Variants in PAPSS1 observed in about 807,000 individuals in gnomAD.
The protein encoded by PAPSS1 is 3'-phosphoadenosine 5'-phosphosulfate synthase 1, also known as bifunctional 3'-phosphoadenosine 5'-phosphosulfate synthase 1.
A neutral mutation model predicts 72.0 loss-of-function variants in PAPSS1; 50 were observed. The observed-to-expected ratio is 0.69, with a 90% confidence interval of 0.55 to 0.88. PAPSS1 has a LOEUF of 0.88. Among genes scored for constraint, PAPSS1 ranks in the 40% least tolerant of loss-of-function variants. PAPSS1 has a pLI of 0.00. For missense variants in PAPSS1, 657 were observed against 782.2 expected, an observed-to-expected ratio of 0.84 and a Z score of 1.91; for synonymous variants, 261 against 263.6, an observed-to-expected ratio of 0.99 and a Z score of 0.09.
intron 5 of PAPSS1, among the ~76,000 whole-genome samples, chr4:107,665,235 A>C (rs1727285260): frequency 6.6e-6 from 1 of 152,212 alleles, no homozygotes; most frequent in African/African-American, 2.4e-5. Context: ...AAAGAATCTT[A>C]AACATGCAGA....
At chr4:107,716,121 A>C (rs1309381567) in intron 1 of PAPSS1, among the ~76,000 whole-genome samples, 1 of 152,242 alleles carries the variant, frequency 6.6e-6, no homozygotes, top group Non-Finnish European at 1.5e-5. Context: ...CAATTCTGTT[A>C]TATCAGGAAA....
chr4:107,666,199 TA>T (rs906391782), intron 5 of PAPSS1, among the ~76,000 whole-genome samples: 2 of 152,206 alleles, frequency 1.3e-5, no homozygotes, highest in African/African-American at 4.8e-5. Flanking sequence ...GACAAACCTT[TA>T]AATAATTTAT....
chr4:107,621,864 G>A (rs570915071), intron 11 of PAPSS1, among the ~76,000 whole-genome samples: 126 of 151,520 alleles, frequency 8.3e-4, no homozygotes, highest in African/African-American at 2.9e-3. Flanking sequence ...TCCTGACCTC[G>A]TAATCCACCC....
At chr4:107,618,261 T>C (rs1259660378) in intron 11 of PAPSS1, among the ~76,000 whole-genome samples, 1 of 152,040 alleles carries the variant, frequency 6.6e-6, no homozygotes, top group African/African-American at 2.4e-5. Flanking sequence ...AACAAAACAC[T>C]GAGTTGACAA....
chr4:107,720,190 C>A lies in PAPSS1; in HGVS notation c.-11G>T, dbSNP rs1297812757. On this transcript the variant is annotated 5_prime_UTR_variant, in exon 1 of 12. Coordinates refer to ENST00000265174, the MANE Select transcript of PAPSS1 (RefSeq NM_005443.5). ...CCCGGGGATCTCCATGACCGCGGAGCGCGCTGAGCAGCCGGGGTTCTCTGC... is the reference window on the plus strand; with the variant it reads ...CCCGGGGATCTCCATGACCGCGGAGAGCGCTGAGCAGCCGGGGTTCTCTGC... 2 of 1,599,280 alleles carry A rather than the reference C, an allele frequency of 1.3e-6. No individual in the cohort carries two copies. The highest frequency in any genetic ancestry group is 2.3e-5 in the East Asian group (1 of 43,128).
At chr4:107,688,817 C>T (rs965039081) in intron 3 of PAPSS1, among the ~76,000 whole-genome samples, 7 of 152,142 alleles carry the variant, frequency 4.6e-5, no homozygotes, top group African/African-American at 1.4e-4. Flanking sequence ...CAAATTCTTC[C>T]TATGTCCACC....
At chr4:107,667,144 T>A (rs1461869909) in intron 5 of PAPSS1, among the ~76,000 whole-genome samples, 2 of 152,140 alleles carry the variant, frequency 1.3e-5, no homozygotes, top group Non-Finnish European at 2.9e-5. Context: ...AATGATTTAA[T>A]CAAATGTGCG....
At chr4:107,705,566 A>G (rs1444758304) in intron 1 of PAPSS1, among the ~76,000 whole-genome samples, 3 of 152,210 alleles carry the variant, frequency 2.0e-5, no homozygotes, top group African/African-American at 7.2e-5. Context: ...AGTTCTTTAT[A>G]CCAGTGTGAA....
At chr4:107,619,093 A>T (rs1725894176) in intron 11 of PAPSS1, among the ~76,000 whole-genome samples, 1 of 152,216 alleles carries the variant, frequency 6.6e-6, no homozygotes. Context: ...CTTGCTTTAT[A>T]AAGTGCTTGT....
At chr4:107,653,343 C>T (rs1726907107) in intron 9 of PAPSS1, 148 bp downstream of exon 9, 1 of 545,116 alleles carries the variant, frequency 1.8e-6, no homozygotes, top group African/African-American at 2.0e-5. Flanking sequence ...ACTACCCAGG[C>T]TAGTTTTGAT....
chr4:107,708,487 T>C (rs1225368536), intron 1 of PAPSS1, among the ~76,000 whole-genome samples: 1 of 152,226 alleles, frequency 6.6e-6, no homozygotes, highest in East Asian at 1.9e-4. Flanking sequence ...ACTTCACTCT[T>C]TATAGACAAG....
chr4:107,701,729 A>C (rs1028334239), intron 1 of PAPSS1, among the ~76,000 whole-genome samples: 12 of 152,216 alleles, frequency 7.9e-5, no homozygotes, highest in African/African-American at 2.7e-4. Context: ...GGAACAATGT[A>C]AACCAATAAA....
In PAPSS1 at chr4:107,616,054, C is replaced by A. The variant is rs1725812309; in HGVS notation, c.1737-1667G>T. The stretch of plus-strand genomic sequence containing the variant: ...TTTTTTATAGCAGCCTGAACTCAGA[C>A]AAATATCACTGCTATTTTTAGAAAA... On this transcript the variant is annotated intron_variant, in intron 11 of 11. Transcript: ENST00000265174. 2.0e-5 allele frequency among the ~76,000 whole-genome samples: 3 copies of A among 150,416 alleles called. No individual in the cohort carries two copies. The South Asian group carries it at 6.3e-4, about 32-fold the overall frequency.
intron 5 of PAPSS1, among the ~76,000 whole-genome samples, chr4:107,680,144 T>C (rs1307622823): frequency 6.6e-6 from 1 of 151,922 alleles, no homozygotes; most frequent in Non-Finnish European, 1.5e-5. Flanking sequence ...AAAAGAAATA[T>C]TTCACATGAT....
intron 6 of PAPSS1, among the ~76,000 whole-genome samples, chr4:107,659,360 G>C (rs1473861796): frequency 6.6e-6 from 1 of 152,072 alleles, no homozygotes; most frequent in East Asian, 1.9e-4. Context: ...AGAAAGGATG[G>C]GGAATCTAAC....
intron 1 of PAPSS1, among the ~76,000 whole-genome samples, chr4:107,704,660 T>C (rs1723289728): frequency 1.3e-5 from 2 of 152,200 alleles, no homozygotes; most frequent in South Asian, 4.1e-4. Context: ...TTTATTAATT[T>C]GCATATGTTA....
Position 107,720,168 on chromosome 4 carries a change from G to C in PAPSS1, c.12C>G (p.Pro4=), listed in dbSNP as rs748786832. The C allele has an allele frequency of 3.7e-6, 6 of 1,604,064 alleles. No homozygotes were observed. The South Asian group carries it at 6.7e-5, about 18-fold the overall frequency. The change falls in exon 1 of 12, where the codon CCC becomes CCG. Residue 4 remains proline, a synonymous_variant. Coordinates refer to ENST00000265174, the MANE Select transcript of PAPSS1 (RefSeq NM_005443.5). MEI[P]GSLCKKVKLS... Reference sequence around the variant, plus strand: ...GTTTGACTTTCTTGCACAGGCTCCCGGGGATCTCCATGACCGCGGAGCGCG... The same window carrying C: ...GTTTGACTTTCTTGCACAGGCTCCCCGGGATCTCCATGACCGCGGAGCGCG...
At chr4:107,681,058 A>G (rs1051194844) in intron 5 of PAPSS1, among the ~76,000 whole-genome samples, 1 of 152,230 alleles carries the variant, frequency 6.6e-6, no homozygotes, top group African/African-American at 2.4e-5. Flanking sequence ...TAATATATTC[A>G]GACAAAGAAA....
At chr4:107,645,774 G>A (rs1306112082) in intron 9 of PAPSS1, among the ~76,000 whole-genome samples, 1 of 152,156 alleles carries the variant, frequency 6.6e-6, no homozygotes, top group East Asian at 1.9e-4. Flanking sequence ...GAGGAGCTCT[G>A]TATTTTGCCG....
Sources: gnomAD v4.1 joint callset for allele counts (sites outside exome capture counted in the v4.1 genomes callset) on GRCh38, gnomAD v4.1.1 for gene constraint, MANE v1.5 for transcripts, NCBI Gene and HGNC (gene_info 2026-07-23, HGNC 2026-07-21) for gene names.